The following MYOZ2 variants were observed in gnomAD, a reference collection of about 807,000 sequenced individuals.
The protein encoded by MYOZ2 is myozenin 2.
A neutral mutation model predicts 25.4 loss-of-function variants in MYOZ2; 19 were observed. The observed-to-expected ratio is 0.75, with a 90% CI of 0.52 to 1.10. MYOZ2 has a LOEUF of 1.10. Among genes scored for constraint, MYOZ2 ranks in the 50% least tolerant of loss-of-function variants. The pLI, the probability that MYOZ2 is intolerant of heterozygous loss-of-function variation, is 0.00. For synonymous variants in MYOZ2, 92 were observed against 106.9 expected (o/e 0.86, Z 0.86); for missense variants, 270 against 317.9 (o/e 0.85, Z 1.15).
chr4:119,160,107 T>A (rs1741671912), intron 4 of MYOZ2, among the ~76,000 whole-genome samples: 2 of 152,176 alleles, frequency 1.3e-5, no homozygotes, highest in South Asian at 4.1e-4. Flanking sequence ...CCTAGTTTCC[T>A]CAATCTGTAA....
chr4:119,144,833 T>G (rs1047108758), intron 2 of MYOZ2, among the ~76,000 whole-genome samples: 2 of 152,232 alleles, frequency 1.3e-5, no homozygotes, highest in African/African-American at 4.8e-5. Flanking sequence ...AGTTCTGTAT[T>G]TATGCTAGAC....
At chr4:119,160,714 C>T (rs7696877) in intron 4 of MYOZ2, among the ~76,000 whole-genome samples, 54,884 of 151,700 alleles carry the variant, frequency 0.36, 10,723 homozygotes, top group Non-Finnish European at 0.45. Flanking sequence ...TCTCATTTAA[C>T]GGAACCTCAA....
chr4:119,172,303 C>T (rs1025386590), intron 5 of MYOZ2, among the ~76,000 whole-genome samples: 1 of 152,156 alleles, frequency 6.6e-6, no homozygotes, highest in Non-Finnish European at 1.5e-5. Context: ...GGCTGCATGA[C>T]GGGAGACCAG....
intron 5 of MYOZ2, among the ~76,000 whole-genome samples, chr4:119,169,453 T>G (rs1330843666): frequency 6.6e-6 from 1 of 152,226 alleles, no homozygotes; most frequent in Non-Finnish European, 1.5e-5. Context: ...GACTACTTTA[T>G]ATCAGAACAA....
intron 5 of MYOZ2, among the ~76,000 whole-genome samples, chr4:119,168,678 C>T (rs1042001132): frequency 5.0e-5 from 7 of 139,336 alleles, no homozygotes; most frequent in African/African-American, 2.3e-4. Flanking sequence ...AAAAAAACAA[C>T]AACAAAACAA....
intron 5 of MYOZ2, among the ~76,000 whole-genome samples, chr4:119,175,175 A>T (rs559988984): frequency 6.6e-6 from 1 of 152,244 alleles, no homozygotes; most frequent in South Asian, 2.1e-4. Context: ...GGTGGATGAT[A>T]AAACAGAAGG....
intron 5 of MYOZ2, among the ~76,000 whole-genome samples, chr4:119,174,903 A>G (rs989073866): frequency 6.6e-6 from 1 of 152,174 alleles, no homozygotes; most frequent in African/African-American, 2.4e-5. Context: ...CCACGAGCCC[A>G]CCAGGAGGAA....
chr4:119,139,883 T>C (rs1741124908), intron 2 of MYOZ2, among the ~76,000 whole-genome samples: 1 of 152,106 alleles, frequency 6.6e-6, no homozygotes, highest in South Asian at 2.1e-4. Flanking sequence ...TGTTTGTTTG[T>C]TTTTTTCTCC....
intron 2 of MYOZ2, among the ~76,000 whole-genome samples, chr4:119,147,478 T>C (rs62326320): frequency 0.23 from 34,316 of 152,002 alleles, 4,613 homozygotes; most frequent in South Asian, 0.36. Flanking sequence ...CGGTGGCTCA[T>C]GCCTGTAATC....
rs139040710 is a variant in MYOZ2, at chr4:119,153,170, G to A, written c.246+2129G>A. Among the ~76,000 whole-genome samples the A allele has an allele frequency of 3.9e-3, 598 of 151,432 alleles. 2 individuals are homozygous for A. The highest frequency in any genetic ancestry group is 6.7e-3 in the Non-Finnish European group (452 of 67,868). On this transcript the variant is annotated intron_variant, in intron 3 of 5. Transcript: ENST00000307128. Reference sequence around the variant, plus strand: ...GTCTTTAATGATCTGTGTGTTGCCCGATCTTAATTCAAAAAATTACCTGCA... The same window carrying A: ...GTCTTTAATGATCTGTGTGTTGCCCAATCTTAATTCAAAAAATTACCTGCA...
At chr4:119,157,985 T>G (rs1741619126) in intron 3 of MYOZ2, 37 bp from the exon 4 acceptor site, 2 of 1,612,386 alleles carry the variant, frequency 1.2e-6, no homozygotes, top group Admixed American at 1.7e-5. Context: ...CTTACATTTT[T>G]GAGTTTTCAG....
At chr4:119,175,842 G>T (rs1474479274) in intron 5 of MYOZ2, among the ~76,000 whole-genome samples, 2 of 151,910 alleles carry the variant, frequency 1.3e-5, no homozygotes, top group Non-Finnish European at 2.9e-5. Context: ...GGCCATGTTT[G>T]GTTTGATCCT....
At chr4:119,183,967 A>G (rs1234962637) in intron 5 of MYOZ2, among the ~76,000 whole-genome samples, 1 of 151,966 alleles carries the variant, frequency 6.6e-6, no homozygotes, top group African/African-American at 2.4e-5. Context: ...GGCATGCGCC[A>G]CCATGCCCTG....
intron 2 of MYOZ2, among the ~76,000 whole-genome samples, chr4:119,145,852 T>G (rs1234812182): frequency 6.6e-6 from 1 of 152,184 alleles, no homozygotes; most frequent in Non-Finnish European, 1.5e-5. Context: ...AAGCCTTTTG[T>G]GGGGTGAGGA....
At chr4:119,170,598 G>A (rs989029266) in intron 5 of MYOZ2, among the ~76,000 whole-genome samples, 1 of 152,120 alleles carries the variant, frequency 6.6e-6, no homozygotes, top group Non-Finnish European at 1.5e-5. Context: ...TAGCTGAAGA[G>A]AGAATTGCTA....
intron 5 of MYOZ2, among the ~76,000 whole-genome samples, chr4:119,176,134 T>C (rs535654708): frequency 3.3e-5 from 5 of 152,356 alleles, no homozygotes; most frequent in African/African-American, 1.2e-4. Flanking sequence ...AATTTTTTCG[T>C]GTTTGATTCC....
intron 5 of MYOZ2, among the ~76,000 whole-genome samples, chr4:119,176,647 T>C (rs748747974): frequency 6.6e-6 from 1 of 152,200 alleles, no homozygotes; most frequent in Non-Finnish European, 1.5e-5. Context: ...CCTCAGTCAC[T>C]AAACCAGATA....
chr4:119,177,427 C>A (rs986425591), intron 5 of MYOZ2, among the ~76,000 whole-genome samples: 1 of 152,272 alleles, frequency 6.6e-6, no homozygotes, highest in Non-Finnish European at 1.5e-5. Context: ...CAAATTCGGT[C>A]TGTGAAGACA....
At chr4:119,181,894 T>C (rs1354946156) in intron 5 of MYOZ2, among the ~76,000 whole-genome samples, 1 of 152,196 alleles carries the variant, frequency 6.6e-6, no homozygotes, top group African/African-American at 2.4e-5. Flanking sequence ...ACTGTAAATA[T>C]TGCAGAGTTC....
Sources: allele counts gnomAD v4.1 joint callset (sites outside exome capture counted in the v4.1 genomes callset), GRCh38; gene constraint gnomAD v4.1.1; transcripts MANE v1.5; gene names NCBI Gene and HGNC (gene_info 2026-07-23, HGNC 2026-07-21).